The following ZRSR2 variants were observed in gnomAD, a reference collection of about 807,000 sequenced individuals.
ZRSR2 encodes the protein zinc finger CCCH-type, RNA binding motif and serine/arginine rich 2.
ZRSR2 carries 3 observed loss-of-function variants against 39.4 expected under a neutral mutation model. The observed-to-expected ratio is 0.08, with a 90% confidence interval of 0.03 to 0.20. The LOEUF (loss-of-function observed/expected upper bound fraction) is 0.20. Ranked by LOEUF, ZRSR2 falls within the 10% of genes least tolerant of loss-of-function variation. The pLI is 1.00. For synonymous variants in ZRSR2, 137 were observed against 136.0 expected (o/e 1.01, Z -0.05); for missense variants, 256 against 391.5 (o/e 0.65, Z 2.92).
Position 15,820,116 on chromosome X carries a change from A to G in ZRSR2, c.828-91A>G, listed in dbSNP as rs943363924. ...AAATCAGTGAACTTGGTGGTCCTAC[A>G]ATAAATTAATAACGGGGTTAATTAA... On this transcript the variant is annotated intron_variant, in intron 9 of 10. Coordinates refer to ENST00000307771, the MANE Select transcript of ZRSR2 (RefSeq NM_005089.4). 7.8e-5 allele frequency: 61 copies of G among 783,639 alleles called. 1 individual carries two copies. In the South Asian group the frequency reaches 1.4e-3, roughly 19 times the overall value. 64.6% of individuals were successfully genotyped at this position (783,639 alleles called of 1,213,427 possible). A position where few individuals can be genotyped will look rare whatever the true frequency, so the allele number is the denominator to read the frequency against.
intron 4 of ZRSR2, 109 bp from the exon 5 acceptor site, chrX:15,804,002 T>C (rs1601814697): frequency 1.0e-6 from 1 of 987,176 alleles, no homozygotes; most frequent in East Asian, 3.5e-5. Flanking sequence ...AACAAAAAAC[T>C]GATCTTATTC....
At chrX:15,795,167 T>C (rs1438226278) in intron 2 of ZRSR2, among the ~76,000 whole-genome samples, 3 of 103,107 alleles carry the variant, frequency 2.9e-5, no homozygotes, top group Admixed American at 1.1e-4. Flanking sequence ...CCATGCACAA[T>C]ATCTGGACAC....
intron 7 of ZRSR2, 135 bp downstream of exon 7, chrX:15,809,453 C>T (rs776313668): frequency 1.2e-5 from 6 of 486,434 alleles, no homozygotes; most frequent in Non-Finnish European, 1.8e-5. Flanking sequence ...CTTGCTGCTG[C>T]TCTCGTTTTC....
Position 15,815,672 on chromosome X carries a change from C to T in ZRSR2, c.558-5C>T, listed in dbSNP as rs757104647. 6.8e-6 allele frequency: 8 copies of T among 1,185,028 alleles called. No individual in the cohort carries two copies. In the African/African-American group the frequency reaches 7.0e-5, roughly 10 times the overall value. On this transcript the variant is annotated splice_region_variant and splice_polypyrimidine_tract_variant and intron_variant, in intron 7 of 10. Transcript: ENST00000307771. The stretch of plus-strand genomic sequence containing the variant: ...AGTGAATTTAAGCTTTTCTTTCATA[C>T]GCAGATGTTCACGTAAACATAATTT...
intron 2 of ZRSR2, among the ~76,000 whole-genome samples, chrX:15,792,025 C>T (rs1037457438): frequency 2.7e-5 from 3 of 112,236 alleles, no homozygotes; most frequent in African/African-American, 6.4e-5. Flanking sequence ...GGGCTGGTCT[C>T]GAACTCCTGG....
At chrX:15,795,590 C>A (rs1195043630) in intron 2 of ZRSR2, among the ~76,000 whole-genome samples, 3 of 111,827 alleles carry the variant, frequency 2.7e-5, no homozygotes, top group Non-Finnish European at 5.6e-5. Flanking sequence ...ATTGTCCAGG[C>A]CTTCTAGTTG....
At position 15,822,718 on chromosome X, in the gene ZRSR2, T is replaced by C. The variant is rs779509767; in HGVS notation, c.938-13T>C. 1.6e-6 allele frequency: 2 copies of C among 1,212,428 alleles called. No homozygotes were observed. Among genetic ancestry groups the C allele is most frequent in the Non-Finnish European group, 2.2e-6 (2 of 895,538 alleles). On this transcript the variant is annotated splice_polypyrimidine_tract_variant and intron_variant, in intron 10 of 10. Transcript: ENST00000307771. ...GCAGTGATAAGTGCTGTTTCATCACTGTGCCATTGCAGGTTTATTTGAAAT... is the reference window on the plus strand; with the variant it reads ...GCAGTGATAAGTGCTGTTTCATCACCGTGCCATTGCAGGTTTATTTGAAAT...
At chrX:15,817,168 T>C (rs1932993963) in intron 8 of ZRSR2, among the ~76,000 whole-genome samples, 1 of 111,881 alleles carries the variant, frequency 8.9e-6, no homozygotes, top group Admixed American at 9.5e-5. Flanking sequence ...AACTGCAGAG[T>C]AGTTAATGGA....
chrX:15,790,875 A>C, intron 1 of ZRSR2, 59 bp from the exon 2 acceptor site: 3 of 1,064,543 alleles, frequency 2.8e-6, no homozygotes, highest in Non-Finnish European at 3.9e-6. Flanking sequence ...AGGAGCGGGG[A>C]GCTCGGGCAG....
intron 7 of ZRSR2, among the ~76,000 whole-genome samples, chrX:15,813,173 A>C (rs752648300): frequency 8.9e-6 from 1 of 112,236 alleles, no homozygotes; most frequent in Admixed American, 9.4e-5. Context: ...TTGGATACCC[A>C]CACCATTTAT....
At chrX:15,799,011 C>A in intron 2 of ZRSR2, among the ~76,000 whole-genome samples, 1 of 110,571 alleles carries the variant, frequency 9.0e-6, no homozygotes, top group Middle Eastern at 4.6e-3. Flanking sequence ...TGTGGTGAAA[C>A]CCCGTCTCCA....
At chrX:15,821,622 A>C (rs187227059) in intron 10 of ZRSR2, among the ~76,000 whole-genome samples, 211 of 110,747 alleles carry the variant, frequency 1.9e-3, no homozygotes, top group Non-Finnish European at 3.0e-3. Context: ...ATCCAACTTA[A>C]CTATTTTTTT....
intron 2 of ZRSR2, among the ~76,000 whole-genome samples, chrX:15,795,309 A>G (rs1029685839): frequency 3.6e-5 from 4 of 110,457 alleles, no homozygotes; most frequent in African/African-American, 1.3e-4. Flanking sequence ...GTTCTCTCCC[A>G]TAGCATTGAC....
intron 2 of ZRSR2, among the ~76,000 whole-genome samples, chrX:15,793,853 T>A (rs1356018430): frequency 8.9e-6 from 1 of 112,460 alleles, no homozygotes; most frequent in Non-Finnish European, 1.9e-5. Context: ...CACTGCTGTT[T>A]ATTGTAGCAC....
In ZRSR2 at chrX:15,796,784, G is replaced by GT. The variant is rs141175603; in HGVS notation, c.122-3061dup. 1.8e-3 allele frequency among the ~76,000 whole-genome samples: 70 copies of GT among 39,920 alleles called. 8 individuals are homozygous for GT. Among genetic ancestry groups the GT allele is most frequent in the African/African-American group, 6.5e-3 (53 of 8,169 alleles). The allele number at this position is 39,920 out of a possible 115,157, so 34.7% of individuals were successfully genotyped here. On this transcript the variant is annotated intron_variant, in intron 2 of 10. Coordinates refer to ENST00000307771, the MANE Select transcript of ZRSR2 (RefSeq NM_005089.4). ...GTCAGAGATCATTTTGTTTCAAATC[G>GT]TTTTTTTTTTTTTTTTTTTTTTTTT...
intron 7 of ZRSR2, among the ~76,000 whole-genome samples, chrX:15,809,941 T>C (rs1483572184): frequency 1.8e-5 from 2 of 112,274 alleles, no homozygotes; most frequent in African/African-American, 6.5e-5. Context: ...GTACAGACCG[T>C]TGGGTTCAAA....
intron 2 of ZRSR2, among the ~76,000 whole-genome samples, chrX:15,796,184 G>A (rs182052480): frequency 1.3e-3 from 146 of 110,968 alleles, no homozygotes; most frequent in African/African-American, 4.3e-3. Context: ...ACGCACCACC[G>A]CGCCCGGCCA....
chrX:15,791,770 C>A (rs1274275756), intron 2 of ZRSR2, among the ~76,000 whole-genome samples: 1 of 108,800 alleles, frequency 9.2e-6, no homozygotes. Flanking sequence ...AGTTCTCCTG[C>A]TGCAGCCTCC....
At chrX:15,814,747 TC>T (rs779490812) in intron 7 of ZRSR2, among the ~76,000 whole-genome samples, 2 of 112,019 alleles carry the variant, frequency 1.8e-5, no homozygotes, top group African/African-American at 6.5e-5. Context: ...AGTGTGCTTT[TC>T]TAGGTCTCAG....
Sources: gnomAD v4.1 joint callset for allele counts (sites outside exome capture counted in the v4.1 genomes callset) on GRCh38, gnomAD v4.1.1 for gene constraint, MANE v1.5 for transcripts, NCBI Gene and HGNC (gene_info 2026-07-23, HGNC 2026-07-21) for gene names.